SLC30A8: variants seen among roughly 807,000 people sequenced by gnomAD.
The protein encoded by SLC30A8 is proton-coupled zinc antiporter SLC30A8.
A neutral mutation model predicts 36.9 loss-of-function variants in SLC30A8; 27 were observed. The ratio of observed to expected loss-of-function variants is 0.73; its 90% CI spans 0.54 to 1.01. The LOEUF is 1.01. Ranked by LOEUF, SLC30A8 falls within the 50% of genes least tolerant of loss-of-function variation. The pLI is 0.00. For missense variants in SLC30A8, 439 were observed against 452.0 expected (o/e 0.97, Z 0.26); for synonymous variants, 164 against 172.4 (o/e 0.95, Z 0.38).
intron 2 of SLC30A8, among the ~76,000 whole-genome samples, chr8:117,064,922 G>T (rs999490557): frequency 1.3e-5 from 2 of 152,130 alleles, no homozygotes; most frequent in African/African-American, 2.4e-5. Flanking sequence ...AGATAAAATC[G>T]ATTGAAGCGT....
At chr8:116,987,152 ACTT>A (rs1195623953) in intron 1 of SLC30A8, among the ~76,000 whole-genome samples, 1 of 152,096 alleles carries the variant, frequency 6.6e-6, no homozygotes. Context: ...ATGGTATAGA[ACTT>A]CTATAGGATA....
At chr8:117,120,447 A>G (rs1820646538) in intron 2 of SLC30A8, among the ~76,000 whole-genome samples, 1 of 151,948 alleles carries the variant, frequency 6.6e-6, no homozygotes, top group Non-Finnish European at 1.5e-5. Flanking sequence ...CTTATTTTAA[A>G]CCATACACAA....
At chr8:116,959,268 A>G (rs1320659621) in intron 1 of SLC30A8, among the ~76,000 whole-genome samples, 1 of 152,194 alleles carries the variant, frequency 6.6e-6, no homozygotes, top group Admixed American at 6.5e-5. Context: ...GATCCCATCC[A>G]TTATACTTTT....
chr8:117,164,565 C>A (rs1043826048), intron 6 of SLC30A8, among the ~76,000 whole-genome samples: 1 of 152,012 alleles, frequency 6.6e-6, no homozygotes, highest in Non-Finnish European at 1.5e-5. Flanking sequence ...CAGAGTAAGA[C>A]CCTACCTCAA....
chr8:117,032,072 A>T (rs78948176), intron 1 of SLC30A8, among the ~76,000 whole-genome samples: 1,544 of 152,164 alleles, frequency 0.01, 23 homozygotes, highest in African/African-American at 0.034. Flanking sequence ...CTTTGATTAT[A>T]GCACCTTACG....
chr8:117,103,931 T>C (rs1371671238), intron 2 of SLC30A8, among the ~76,000 whole-genome samples: 1 of 152,166 alleles, frequency 6.6e-6, no homozygotes, highest in African/African-American at 2.4e-5. Context: ...TGAATAGTCT[T>C]CTGTGAACAT....
intron 1 of SLC30A8, among the ~76,000 whole-genome samples, chr8:117,012,372 C>T (rs1586395984): frequency 1.3e-5 from 2 of 151,594 alleles, no homozygotes; most frequent in South Asian, 2.1e-4. Flanking sequence ...TTTTCTAATT[C>T]CAGACTTCCC....
intron 1 of SLC30A8, among the ~76,000 whole-genome samples, chr8:117,024,046 T>TG (rs1038192091): frequency 3.3e-5 from 5 of 152,172 alleles, no homozygotes; most frequent in Non-Finnish European, 7.3e-5. Context: ...TGATTAAACT[T>TG]GGAATTACCT....
chr8:117,027,477 T>C (rs2130734258), intron 1 of SLC30A8, among the ~76,000 whole-genome samples: 1 of 152,318 alleles, frequency 6.6e-6, no homozygotes, highest in East Asian at 1.9e-4. Flanking sequence ...TTTGCTTTTT[T>C]TTGTTGTTTA....
chr8:117,063,406 T>C (rs948591082), intron 2 of SLC30A8, among the ~76,000 whole-genome samples: 1 of 152,148 alleles, frequency 6.6e-6, no homozygotes, highest in Non-Finnish European at 1.5e-5. Flanking sequence ...GTGCCTCTCT[T>C]ATTCAGGACT....
intron 2 of SLC30A8, among the ~76,000 whole-genome samples, chr8:117,071,623 T>A (rs767368969): frequency 2.2e-4 from 34 of 152,184 alleles, no homozygotes; most frequent in Non-Finnish European, 4.7e-4. Flanking sequence ...AATCATTGCC[T>A]CAACCCATGC....
At chr8:117,064,111 C>T (rs1426410841) in intron 2 of SLC30A8, among the ~76,000 whole-genome samples, 3 of 152,096 alleles carry the variant, frequency 2.0e-5, no homozygotes, top group Non-Finnish European at 4.4e-5. Flanking sequence ...CCAGCCTCAG[C>T]CTCCTGAGTA....
chr8:117,157,812 C>T lies in SLC30A8; in HGVS notation c.540C>T (p.Ile180=), dbSNP rs146555947. The T allele has an allele frequency of 8.7e-6, 14 of 1,613,998 alleles. No individual in the cohort carries two copies. Among genetic ancestry groups the T allele is most frequent in the East Asian group, 6.7e-5 (3 of 44,888 alleles). The change falls in exon 4 of 8, where the codon ATC becomes ATT. Residue 180 remains isoleucine, a synonymous_variant. Transcript: ENST00000456015. ...AGATCCAGGCGACTGTGATGATCAT[C>T]GTTTCCAGCTGCGCAGTGGCGGCCA... ...DYQIQATVMI[I]VSSCAVAANI...
chr8:117,121,628 G>A (rs1166960457), intron 2 of SLC30A8, among the ~76,000 whole-genome samples: 1 of 151,930 alleles, frequency 6.6e-6, no homozygotes. Flanking sequence ...TCGCATTGGT[G>A]ATTAGATTTA....
intron 2 of SLC30A8, among the ~76,000 whole-genome samples, chr8:117,043,895 A>G (rs986323093): frequency 3.9e-5 from 6 of 152,246 alleles, no homozygotes; most frequent in Non-Finnish European, 5.9e-5. Context: ...ATTTTATTCA[A>G]TAAGTGTTGA....
chr8:116,974,087 T>C (rs1048718703), intron 1 of SLC30A8, among the ~76,000 whole-genome samples: 1 of 152,148 alleles, frequency 6.6e-6, no homozygotes, highest in African/African-American at 2.4e-5. Flanking sequence ...ATAAAAACCC[T>C]AGAAGAAAAC....
chr8:117,081,224 A>C (rs563779485), intron 2 of SLC30A8, among the ~76,000 whole-genome samples: 2 of 152,256 alleles, frequency 1.3e-5, no homozygotes, highest in Non-Finnish European at 2.9e-5. Context: ...CAGTGAATGT[A>C]TTAGTCTACC....
Position 116,992,824 on chromosome 8 carries a change from G to A in SLC30A8, c.-266+41705G>A, listed in dbSNP as rs911300407. On this transcript the variant is annotated intron_variant, in intron 1 of 10. Coordinates refer to the SLC30A8 transcript ENST00000427715. The stretch of plus-strand genomic sequence containing the variant: ...ATAAAATAATTATTTGCAGCCATGG[G>A]GTAGCAATGAAAAAGCTGTAATCCT... Among the ~76,000 whole-genome samples, 4 of 152,078 alleles carry A rather than the reference G, an allele frequency of 2.6e-5. 1 individual carries two copies. Among genetic ancestry groups the A allele is most frequent in the South Asian group, 2.1e-4 (1 of 4,824 alleles).
Position 116,993,150 on chromosome 8 carries a change from G to GCTTAGTAGAGAATTCTCTAAGTATTCT in SLC30A8, c.-266+42044_-266+42045insTCTCTAAGTATTCTCTTAGTAGAGAAT, listed in dbSNP as rs1563738469. The stretch of plus-strand genomic sequence containing the variant: ...TAGTCACAGGGTGCAACTCTGAGAG[G>GCTTAGTAGAGAATTCTCTAAGTATTCT]CTTAGTAGAGAATAGTTGCTTGAGA... On this transcript the variant is annotated intron_variant, in intron 1 of 10. Transcript: ENST00000427715. 2.5e-3 allele frequency among the ~76,000 whole-genome samples: 375 copies of GCTTAGTAGAGAATTCTCTAAGTATTCT among 152,070 alleles called. 1 individual carries two copies. Among genetic ancestry groups the GCTTAGTAGAGAATTCTCTAAGTATTCT allele is most frequent in the African/African-American group, 8.4e-3 (348 of 41,374 alleles).
Sources: gnomAD v4.1 joint callset for allele counts (sites outside exome capture counted in the v4.1 genomes callset) on GRCh38, gnomAD v4.1.1 for gene constraint, MANE v1.5 for transcripts, NCBI Gene and HGNC (gene_info 2026-07-23, HGNC 2026-07-21) for gene names.